IKZF2: variants seen among roughly 807,000 people sequenced by gnomAD.
IKZF2 encodes zinc finger protein Helios.
In IKZF2, 15 loss-of-function variants were observed where a neutral mutation model predicts 49.2. The observed-to-expected ratio is 0.30, with a 90% CI of 0.20 to 0.47. IKZF2 has a LOEUF of 0.47. Ranked by LOEUF, IKZF2 falls within the 20% of genes least tolerant of loss-of-function variation. The pLI, the probability that IKZF2 is intolerant of heterozygous loss-of-function variation, is 1.00. For missense variants in IKZF2, 567 were observed against 664.6 expected (o/e 0.85, Z 1.61); for synonymous variants, 227 against 221.4 (o/e 1.03, Z -0.23).
Position 213,148,664 on chromosome 2 carries a change from A to C in IKZF2, c.-15-20T>G, listed in dbSNP as rs1310366497. ...GCAATGCTGCAAAACAAAAGATTATACCCTTAATACAATGATTCCTTTCAG... is the reference window on the plus strand; with the variant it reads ...GCAATGCTGCAAAACAAAAGATTATCCCCTTAATACAATGATTCCTTTCAG... On this transcript the variant is annotated intron_variant, in intron 2 of 8. Transcript: ENST00000434687. The C allele has an allele frequency of 5.7e-6, 9 of 1,590,822 alleles. No homozygotes were observed. Among genetic ancestry groups the C allele is most frequent in the Admixed American group, 3.4e-5 (2 of 59,124 alleles).
chr2:213,057,221 T>G (rs1323107721), intron 4 of IKZF2, 122 bp from the exon 5 acceptor site: 5 of 861,994 alleles, frequency 5.8e-6, no homozygotes, highest in Non-Finnish European at 8.7e-6. Flanking sequence ...TAGAATAGAG[T>G]TCATCATCGA....
chr2:213,022,202 T>C, intron 6 of IKZF2, 72 bp from the exon 7 acceptor site: 12 of 1,400,320 alleles, frequency 8.6e-6, no homozygotes, highest in Non-Finnish European at 1.1e-5. Flanking sequence ...TAGCTAACTT[T>C]TGATAGTCTG....
intron 6 of IKZF2, among the ~76,000 whole-genome samples, chr2:213,023,049 A>C (rs1040853598): frequency 6.6e-6 from 1 of 152,222 alleles, no homozygotes; most frequent in Non-Finnish European, 1.5e-5. Flanking sequence ...CTTGGTTTTG[A>C]ATGAATACAG....
In IKZF2 at chr2:213,096,345, T is replaced by C. The variant is rs372016993; in HGVS notation, c.140-39246A>G. 7.9e-4 allele frequency among the ~76,000 whole-genome samples: 120 copies of C among 152,066 alleles called. No individual in the cohort carries two copies. In the Middle Eastern group the frequency reaches 0.01, roughly 13 times the overall value. On this transcript the variant is annotated intron_variant, in intron 4 of 8. Coordinates refer to ENST00000434687, the MANE Select transcript of IKZF2 (RefSeq NM_001387220.1). Reference sequence around the variant, plus strand: ...TGATTATGAAAGTAACAATGCCTCATTATATAAAAACAGGTATTTACAGAG... The same window carrying C: ...TGATTATGAAAGTAACAATGCCTCACTATATAAAAACAGGTATTTACAGAG...
chr2:213,144,330 C>T (rs1471527078), intron 4 of IKZF2, among the ~76,000 whole-genome samples: 4 of 151,696 alleles, frequency 2.6e-5, no homozygotes, highest in Non-Finnish European at 5.9e-5. Context: ...ATTTAAGTAA[C>T]TACCTGCAAA....
At chr2:213,141,430 T>A (rs1476543587) in intron 4 of IKZF2, among the ~76,000 whole-genome samples, 2 of 151,952 alleles carry the variant, frequency 1.3e-5, no homozygotes, top group African/African-American at 4.8e-5. Context: ...ATACAAGATG[T>A]TCCATTATCC....
intron 4 of IKZF2, among the ~76,000 whole-genome samples, chr2:213,065,125 GT>G (rs1032389333): frequency 6.6e-6 from 1 of 151,802 alleles, no homozygotes; most frequent in Non-Finnish European, 1.5e-5. Context: ...TACTTACTAG[GT>G]TTTTTTGTTT....
At chr2:213,144,606 C>T (rs190999151) in intron 4 of IKZF2, among the ~76,000 whole-genome samples, 40 of 151,810 alleles carry the variant, frequency 2.6e-4, no homozygotes, top group Non-Finnish European at 1.0e-4. Flanking sequence ...ATTCTTAAGT[C>T]CCAGATTCTA....
At chr2:213,084,136 C>T (rs1704295307) in intron 4 of IKZF2, among the ~76,000 whole-genome samples, 1 of 152,094 alleles carries the variant, frequency 6.6e-6, no homozygotes. Context: ...GTCTAAACTA[C>T]AGTAAAGTGA....
chr2:213,078,640 CTG>C (rs1379737969), intron 4 of IKZF2, among the ~76,000 whole-genome samples: 1 of 152,214 alleles, frequency 6.6e-6, no homozygotes, highest in Non-Finnish European at 1.5e-5. Flanking sequence ...CCTCTAAATA[CTG>C]TGTTTCTTCA....
At chr2:213,064,777 T>C (rs1702019497) in intron 4 of IKZF2, among the ~76,000 whole-genome samples, 1 of 151,994 alleles carries the variant, frequency 6.6e-6, no homozygotes, top group African/African-American at 2.4e-5. Context: ...ACAACTACTT[T>C]AAGATCCCCA....
intron 4 of IKZF2, 76 bp from the exon 5 acceptor site, chr2:213,057,175 G>T: frequency 7.8e-7 from 1 of 1,276,254 alleles, no homozygotes; most frequent in Non-Finnish European, 1.1e-6. Context: ...TCTACTCATT[G>T]TCATCCTACT....
intron 1 of IKZF2, chr2:213,150,531 T>C (rs1445118623): frequency 4.7e-6 from 1 of 213,720 alleles, no homozygotes; most frequent in Non-Finnish European, 9.6e-6. Flanking sequence ...AGGGATGGTC[T>C]AGTAGGAAAA....
intron 4 of IKZF2, chr2:213,097,917 G>T: frequency 4.1e-6 from 1 of 242,420 alleles, no homozygotes; most frequent in Non-Finnish European, 8.6e-6. Flanking sequence ...AGGAACAGAA[G>T]TATATCAAAG....
chr2:213,049,959 G>T, intron 5 of IKZF2, 79 bp from the exon 6 acceptor site: 2 of 1,012,136 alleles, frequency 2.0e-6, no homozygotes, highest in Non-Finnish European at 1.3e-6. Flanking sequence ...GTTAACCAAA[G>T]CCAGTTCTCT....
intron 4 of IKZF2, among the ~76,000 whole-genome samples, chr2:213,123,941 G>GAAA (rs5838367): frequency 6.7e-6 from 1 of 148,610 alleles, no homozygotes; most frequent in African/African-American, 2.5e-5. Flanking sequence ...GAGTCTTAGT[G>GAAA]AAAAAAAAAA....
intron 4 of IKZF2, among the ~76,000 whole-genome samples, chr2:213,139,450 T>G (rs1250366176): frequency 6.6e-6 from 1 of 152,010 alleles, no homozygotes; most frequent in Non-Finnish European, 1.5e-5. Flanking sequence ...TCAGATTCCT[T>G]GCTCAGTAAA....
chr2:213,147,707 C>G lies in IKZF2; in HGVS notation c.139+1G>C. Reference sequence around the variant, plus strand: ...AAAAAAATCATAAAATGAAGACTTACTGCTTGTCATGTGACTTGGTGAGGC... The same window carrying G: ...AAAAAAATCATAAAATGAAGACTTAGTGCTTGTCATGTGACTTGGTGAGGC... On this transcript the variant is annotated splice_donor_variant, in intron 4 of 8. Coordinates refer to ENST00000434687, the MANE Select transcript of IKZF2 (RefSeq NM_001387220.1). LOFTEE classifies it high-confidence loss of function. 3 of 1,609,586 alleles carry G rather than the reference C, an allele frequency of 1.9e-6. No individual in the cohort carries two copies. Among genetic ancestry groups the G allele is most frequent in the Non-Finnish European group, 1.7e-6 (2 of 1,176,512 alleles).
In IKZF2 at chr2:213,150,251, A is replaced by C; in HGVS notation, c.-119-4T>G. On this transcript the variant is annotated splice_region_variant and splice_polypyrimidine_tract_variant and intron_variant, in intron 1 of 8. Coordinates refer to ENST00000434687, the MANE Select transcript of IKZF2 (RefSeq NM_001387220.1). ...AAGAGGAGGTGACAATGTCGGGCTGAAGATAAACGGAGGGAGAAAGAAAGA... is the reference window on the plus strand; with the variant it reads ...AAGAGGAGGTGACAATGTCGGGCTGCAGATAAACGGAGGGAGAAAGAAAGA... The C allele has an allele frequency of 9.0e-7, 1 of 1,105,534 alleles. No individual in the cohort carries two copies. The allele number at this position is 1,105,534 out of a possible 1,614,324, so 68.5% of individuals were successfully genotyped here.
Sources: allele counts gnomAD v4.1 joint callset (sites outside exome capture counted in the v4.1 genomes callset), GRCh38; gene constraint gnomAD v4.1.1; transcripts MANE v1.5; gene names NCBI Gene and HGNC (gene_info 2026-07-23, HGNC 2026-07-21).